STT3B: variants seen among roughly 807,000 people sequenced by gnomAD.
STT3B encodes the protein STT3 oligosaccharyltransferase complex catalytic subunit B, also known as dolichyl-diphosphooligosaccharide--protein glycosyltransferase subunit STT3B.
STT3B carries 29 observed loss-of-function variants against 96.8 expected under a neutral mutation model. The observed-to-expected ratio is 0.30, with a 90% CI of 0.22 to 0.41. The LOEUF (loss-of-function observed/expected upper bound fraction) is 0.41. STT3B is among the 10% of genes least tolerant of loss of function. The pLI, the probability that STT3B is intolerant of heterozygous loss-of-function variation, is 1.00. For missense variants in STT3B, 640 were observed against 1,022.3 expected, an observed-to-expected ratio of 0.63 and a Z score of 5.10; for synonymous variants, 367 against 360.0, an observed-to-expected ratio of 1.02 and a Z score of -0.22.
chr3:31,584,081 C>T (rs373788989), intron 3 of STT3B, among the ~76,000 whole-genome samples: 102 of 152,166 alleles, frequency 6.7e-4, no homozygotes, highest in African/African-American at 2.3e-3. Flanking sequence ...TGATCCATTT[C>T]GAGTTAATTT....
chr3:31,556,996 C>A (rs1697730873), intron 1 of STT3B, among the ~76,000 whole-genome samples: 1 of 151,880 alleles, frequency 6.6e-6, no homozygotes, highest in Non-Finnish European at 1.5e-5. Context: ...TTATTGTTTT[C>A]TTCTACTTTT....
At position 31,612,673 on chromosome 3, in the gene STT3B, C is replaced by T. The variant is rs77061936; in HGVS notation, c.878-2432C>T. Among the ~76,000 whole-genome samples the T allele has an allele frequency of 1.8e-3, 274 of 152,216 alleles. 2 individuals carry two copies. Among genetic ancestry groups the T allele is most frequent in the Non-Finnish European group, 2.4e-3 (161 of 68,014 alleles). ...ACTTTACTAATGATAGTAAATATCT[C>T]TGAGAAGTTGCAGGGAAGTGCTGAA... On this transcript the variant is annotated intron_variant, in intron 5 of 15. Coordinates refer to ENST00000295770, the MANE Select transcript of STT3B (RefSeq NM_178862.3).
intron 1 of STT3B, among the ~76,000 whole-genome samples, chr3:31,573,356 A>G (rs1458801217): frequency 6.6e-6 from 1 of 152,150 alleles, no homozygotes; most frequent in Non-Finnish European, 1.5e-5. Flanking sequence ...AGATTGGGGA[A>G]CTAGAAGTGG....
intron 1 of STT3B, among the ~76,000 whole-genome samples, chr3:31,572,308 C>A (rs568826170): frequency 1.3e-5 from 2 of 149,492 alleles, no homozygotes; most frequent in African/African-American, 4.9e-5. Flanking sequence ...AAACAAACTT[C>A]TGTATTATTT....
At chr3:31,580,793 A>C (rs1282020223) in intron 3 of STT3B, among the ~76,000 whole-genome samples, 2 of 152,132 alleles carry the variant, frequency 1.3e-5, no homozygotes, top group Non-Finnish European at 2.9e-5. Flanking sequence ...CAGTATAGAC[A>C]GTGTCTTAAT....
At chr3:31,631,095 A>G (rs1044945086) in intron 14 of STT3B, among the ~76,000 whole-genome samples, 2 of 152,120 alleles carry the variant, frequency 1.3e-5, no homozygotes, top group Non-Finnish European at 2.9e-5. Context: ...GCCCAGCCCC[A>G]AGTTTTATCC....
At chr3:31,615,064 G>T in intron 5 of STT3B, 41 bp from the exon 6 acceptor site, 1 of 1,227,072 alleles carries the variant, frequency 8.1e-7, no homozygotes, top group Non-Finnish European at 1.2e-6. Context: ...GTACTTAATG[G>T]TAGTAGTAAA....
At chr3:31,582,441 C>A (rs1327043646) in intron 3 of STT3B, among the ~76,000 whole-genome samples, 1 of 151,514 alleles carries the variant, frequency 6.6e-6, no homozygotes, top group Non-Finnish European at 1.5e-5. Flanking sequence ...ACTACAGGCG[C>A]CTGCCACTAC....
intron 13 of STT3B, 38 bp from the exon 14 acceptor site, chr3:31,629,260 C>T (rs753992522): frequency 1.8e-6 from 2 of 1,139,028 alleles, no homozygotes; most frequent in South Asian, 2.6e-5. Flanking sequence ...AATATGTTAA[C>T]TTGAACTAAC....
intron 13 of STT3B, among the ~76,000 whole-genome samples, chr3:31,627,056 C>T (rs1699553494): frequency 6.6e-6 from 1 of 152,146 alleles, no homozygotes; most frequent in Non-Finnish European, 1.5e-5. Flanking sequence ...TCTCCAAAAG[C>T]CCTTTTCTGG....
chr3:31,577,337 T>C (rs1698286743), intron 2 of STT3B, among the ~76,000 whole-genome samples: 1 of 152,148 alleles, frequency 6.6e-6, no homozygotes, highest in African/African-American at 2.4e-5. Context: ...AACTACACAC[T>C]AGCCACTGTA....
At chr3:31,635,605 C>T (rs1699741805) in intron 15 of STT3B, among the ~76,000 whole-genome samples, 2 of 152,154 alleles carry the variant, frequency 1.3e-5, no homozygotes, top group Non-Finnish European at 2.9e-5. Context: ...CTGGCACACA[C>T]CTAATTTCCT....
At chr3:31,618,099 C>G in intron 8 of STT3B, 111 bp downstream of exon 8, 1 of 753,954 alleles carries the variant, frequency 1.3e-6, no homozygotes, top group Non-Finnish European at 2.3e-6. Flanking sequence ...CTTCTAAGTA[C>G]CAAAGATGCT....
chr3:31,554,805 C>CG (rs1697663456), intron 1 of STT3B, among the ~76,000 whole-genome samples: 1 of 152,096 alleles, frequency 6.6e-6, no homozygotes, highest in Admixed American at 6.5e-5. Flanking sequence ...TCTATTTTCT[C>CG]TAAGATTTTT....
At chr3:31,605,636 G>A (rs966872005) in intron 5 of STT3B, among the ~76,000 whole-genome samples, 22 of 152,312 alleles carry the variant, frequency 1.4e-4, no homozygotes, top group African/African-American at 4.8e-4. Context: ...TCCCAGCCAC[G>A]TGGAACTGTG....
intron 1 of STT3B, among the ~76,000 whole-genome samples, chr3:31,567,495 G>C (rs1408877091): frequency 6.6e-6 from 1 of 152,020 alleles, no homozygotes; most frequent in African/African-American, 2.4e-5. Context: ...CGCTCATTGT[G>C]GCCACAGCAT....
At position 31,571,870 on chromosome 3, in the gene STT3B, A is replaced by G. The variant is rs1698146668; in HGVS notation, c.315-4526A>G. Among the ~76,000 whole-genome samples the G allele has an allele frequency of 2.7e-5, 4 of 150,318 alleles. No individual in the cohort carries two copies. In the South Asian group the frequency reaches 8.3e-4, roughly 31 times the overall value. ...GTTTAGTAACAACTCAATCTGTAAC[A>G]TAAGTTCATGATATGTTATAAATTT... On this transcript the variant is annotated intron_variant, in intron 1 of 15. Coordinates refer to ENST00000295770, the MANE Select transcript of STT3B (RefSeq NM_178862.3).
intron 1 of STT3B, among the ~76,000 whole-genome samples, chr3:31,557,231 G>A (rs1267220219): frequency 6.6e-6 from 1 of 152,130 alleles, no homozygotes; most frequent in African/African-American, 2.4e-5. Flanking sequence ...TCTGTTCTGT[G>A]CCATTGGTCT....
At chr3:31,577,741 G>A (rs1420479872) in intron 2 of STT3B, among the ~76,000 whole-genome samples, 2 of 152,232 alleles carry the variant, frequency 1.3e-5, no homozygotes, top group East Asian at 1.9e-4. Flanking sequence ...CACAATAGTC[G>A]TTATCATGTT....
Sources: gnomAD v4.1 joint callset for allele counts (sites outside exome capture counted in the v4.1 genomes callset) on GRCh38, gnomAD v4.1.1 for gene constraint, MANE v1.5 for transcripts, NCBI Gene and HGNC (gene_info 2026-07-23, HGNC 2026-07-21) for gene names.